Variants in TXNL1 observed in about 807,000 individuals in gnomAD.
TXNL1 encodes the protein thioredoxin like 1, also known as thioredoxin-like protein 1.
A neutral mutation model predicts 35.5 loss-of-function variants in TXNL1; 14 were observed. The observed-to-expected ratio is 0.39, with a 90% CI of 0.26 to 0.62. TXNL1 has a LOEUF of 0.62. TXNL1 is among the 20% of genes least tolerant of loss of function. TXNL1 has a pLI of 0.47. For synonymous variants in TXNL1, 110 were observed against 115.5 expected (o/e 0.95, Z 0.31); for missense variants, 263 against 349.7 (o/e 0.75, Z 1.98).
intron 6 of TXNL1, among the ~76,000 whole-genome samples, chr18:56,612,967 A>G (rs952454848): frequency 6.6e-6 from 1 of 151,794 alleles, no homozygotes; most frequent in African/African-American, 2.4e-5. Flanking sequence ...GTCCCTCCAG[A>G]GTAGCTGGGA....
Position 56,611,080 on chromosome 18 carries a change from A to ACCTTTG in TXNL1, c.752_753insCAAAGG (p.Asn251_Gln252insLysGly). 6.2e-7 allele frequency: 1 copy of ACCTTTG among 1,604,070 alleles called. No individual in the cohort carries two copies. The highest frequency in any genetic ancestry group is 8.5e-7 in the Non-Finnish European group (1 of 1,176,948). On this transcript the variant is annotated inframe_insertion, in exon 7 of 8. Coordinates refer to ENST00000217515, the MANE Select transcript of TXNL1 (RefSeq NM_004786.3). ...TTCTTGTTGTTTCCTCTTCACCTTG[A>ACCTTTG]TTCGACTGAACAAATATCTACCAAA...
chr18:56,627,759 A>G (rs1213183867), intron 1 of TXNL1, among the ~76,000 whole-genome samples: 1 of 152,096 alleles, frequency 6.6e-6, no homozygotes, highest in Admixed American at 6.5e-5. Flanking sequence ...ATCTAAATGT[A>G]AAAGGTGAAA....
chr18:56,632,006 A>G (rs535813868), intron 1 of TXNL1, among the ~76,000 whole-genome samples: 2 of 152,320 alleles, frequency 1.3e-5, no homozygotes, highest in East Asian at 3.9e-4. Context: ...TAAGAAGTGA[A>G]GATCATAAGA....
chr18:56,619,537 CAAAAAAAAAAAAAAA>C (rs71169375), intron 3 of TXNL1, among the ~76,000 whole-genome samples: 1 of 82,090 alleles, frequency 1.2e-5, no homozygotes, highest in African/African-American at 4.0e-5. Context: ...ACTCTGTCTC[CAAAAAAAAAAAAAAA>C]AAAAAAAATT....
intron 3 of TXNL1, among the ~76,000 whole-genome samples, chr18:56,620,866 A>T (rs1568104683): frequency 6.6e-6 from 1 of 152,244 alleles, no homozygotes. Context: ...AATGCTTTCA[A>T]AGCTGAAATG....
At chr18:56,614,344 A>G in intron 6 of TXNL1, 80 bp downstream of exon 6, 1 of 1,269,104 alleles carries the variant, frequency 7.9e-7, no homozygotes, top group Non-Finnish European at 1.1e-6. Context: ...TTAAAGAATC[A>G]CTTAGACTTA....
intron 1 of TXNL1, among the ~76,000 whole-genome samples, chr18:56,634,454 A>C (rs1363639432): frequency 2.6e-5 from 4 of 152,366 alleles, no homozygotes; most frequent in African/African-American, 9.6e-5. Context: ...AATTGAGTCA[A>C]TATAAGAGCT....
At chr18:56,632,919 A>G (rs1378723006) in intron 1 of TXNL1, among the ~76,000 whole-genome samples, 2 of 152,138 alleles carry the variant, frequency 1.3e-5, no homozygotes, top group African/African-American at 4.8e-5. Context: ...CTTACTCTGT[A>G]CTTCAATAAA....
At chr18:56,608,625 C>G (rs997779779) in intron 7 of TXNL1, 2 of 152,132 alleles carry the variant, frequency 1.3e-5, no homozygotes, top group African/African-American at 4.8e-5. Flanking sequence ...GCCTTTTAGA[C>G]TCTTATTCTC....
chr18:56,621,819 G>A (rs2024191786), intron 3 of TXNL1, among the ~76,000 whole-genome samples: 1 of 151,854 alleles, frequency 6.6e-6, no homozygotes. Context: ...GGCCAACATG[G>A]TGAAACCCCC....
intron 1 of TXNL1, among the ~76,000 whole-genome samples, chr18:56,636,852 G>C (rs1457344431): frequency 1.3e-5 from 2 of 152,130 alleles, no homozygotes; most frequent in African/African-American, 2.4e-5. Flanking sequence ...AGTGAGGTGA[G>C]GTTCCTTATT....
At chr18:56,613,672 G>C (rs950052726) in intron 6 of TXNL1, among the ~76,000 whole-genome samples, 4 of 151,942 alleles carry the variant, frequency 2.6e-5, no homozygotes, top group Non-Finnish European at 4.4e-5. Flanking sequence ...AAATTAGCTG[G>C]GTGAGGTGGC....
At chr18:56,630,820 C>A (rs2024358127) in intron 1 of TXNL1, among the ~76,000 whole-genome samples, 1 of 152,110 alleles carries the variant, frequency 6.6e-6, no homozygotes, top group Non-Finnish European at 1.5e-5. Context: ...TAAATATATA[C>A]AAACTCACAA....
At position 56,622,531 on chromosome 18, in the gene TXNL1, T is replaced by C. The variant is rs2024206086; in HGVS notation, c.369+1757A>G. On this transcript the variant is annotated intron_variant, in intron 3 of 7. Transcript: ENST00000217515. ...ATAGTTCAAAACTTTAATGTCTTGA[T>C]TGACACCTGACAGAAAAAAAGGGAC... 3.3e-5 allele frequency among the ~76,000 whole-genome samples: 5 copies of C among 152,336 alleles called. No homozygotes were observed. The South Asian group carries it at 8.3e-4, about 25-fold the overall frequency.
chr18:56,615,422 C>T (rs966767397), intron 5 of TXNL1, among the ~76,000 whole-genome samples: 3 of 145,348 alleles, frequency 2.1e-5, no homozygotes, highest in Non-Finnish European at 4.5e-5. Flanking sequence ...ACCCTAGTCT[C>T]CATTCCCCTA....
chr18:56,631,345 C>T (rs2024367344), intron 1 of TXNL1, among the ~76,000 whole-genome samples: 1 of 152,156 alleles, frequency 6.6e-6, no homozygotes, highest in African/African-American at 2.4e-5. Context: ...ACCCAGTATG[C>T]TTGAATTTCA....
intron 5 of TXNL1, among the ~76,000 whole-genome samples, chr18:56,615,874 A>C (rs982396821): frequency 6.6e-6 from 1 of 152,140 alleles, no homozygotes; most frequent in African/African-American, 2.4e-5. Flanking sequence ...TCATGCCTAT[A>C]ATCTTAGCAG....
chr18:56,606,887 G>A (rs1344524030), intron 7 of TXNL1, among the ~76,000 whole-genome samples: 6 of 152,206 alleles, frequency 3.9e-5, no homozygotes, highest in Non-Finnish European at 7.3e-5. Flanking sequence ...TTGAGACAGT[G>A]AGAGAAAGAG....
intron 1 of TXNL1, among the ~76,000 whole-genome samples, chr18:56,632,731 T>C (rs1006244016): frequency 5.3e-5 from 8 of 152,190 alleles, no homozygotes; most frequent in Non-Finnish European, 1.0e-4. Flanking sequence ...GGGAAGAAGC[T>C]TGGGACAGTG....
Sources: allele counts gnomAD v4.1 joint callset (sites outside exome capture counted in the v4.1 genomes callset), GRCh38; gene constraint gnomAD v4.1.1; transcripts MANE v1.5; gene names NCBI Gene and HGNC (gene_info 2026-07-23, HGNC 2026-07-21).